The following PRDM5 variants were observed in gnomAD, a reference collection of about 807,000 sequenced individuals.
The protein encoded by PRDM5 is PR/SET domain 5.
Under a neutral mutation model 81.2 loss-of-function variants are expected in PRDM5, and 56 were observed. The ratio of observed to expected loss-of-function variants is 0.69; its 90% CI spans 0.56 to 0.86. The LOEUF is 0.86. Ranked by LOEUF, PRDM5 falls within the 40% of genes least tolerant of loss-of-function variation. The pLI, the probability that PRDM5 is intolerant of heterozygous loss-of-function variation, is 0.00. For synonymous variants in PRDM5, 267 were observed against 256.4 expected (o/e 1.04, Z -0.39); for missense variants, 697 against 770.1 (o/e 0.91, Z 1.12).
At chr4:120,688,808 T>A (rs527730842), downstream of PRDM5, among the ~76,000 whole-genome samples, 1 of 152,174 alleles carries the variant, frequency 6.6e-6, no homozygotes, top group Non-Finnish European at 1.5e-5. Flanking sequence ...ATGCTGTCTA[T>A]TCTGTTCCAT....
chr4:120,891,183 C>CT (rs1284433214), intron 2 of PRDM5, among the ~76,000 whole-genome samples: 3 of 152,076 alleles, frequency 2.0e-5, no homozygotes, highest in Non-Finnish European at 4.4e-5. Flanking sequence ...GGTTTTTAGG[C>CT]TTTTTATTAC....
At chr4:120,852,387 C>T (rs1759368318) in intron 3 of PRDM5, among the ~76,000 whole-genome samples, 1 of 152,078 alleles carries the variant, frequency 6.6e-6, no homozygotes, top group African/African-American at 2.4e-5. Context: ...AAGTATATTG[C>T]CCTCCATAAT....
At chr4:120,794,849 C>T (rs1419437168) in intron 10 of PRDM5, among the ~76,000 whole-genome samples, 3 of 152,102 alleles carry the variant, frequency 2.0e-5, no homozygotes, top group African/African-American at 7.2e-5. Context: ...TGGTCTTGAA[C>T]TCCGGACCTC....
rs1235040289 is a variant in PRDM5, at chr4:120,699,187, TATATATATATA to T, written c.1729-3923_1729-3913del. On this transcript the variant is annotated intron_variant, in intron 15 of 15. Transcript: ENST00000264808. ...ATATATATATATATATATATATATATATATATATATATATATATTTCAGATGTCTCCTTAAT... is the reference window on the plus strand; with the variant it reads ...ATATATATATATATATATATATATATTATATATTTCAGATGTCTCCTTAAT... Among the ~76,000 whole-genome samples, 183 of 114,938 alleles carry T rather than the reference TATATATATATA, an allele frequency of 1.6e-3. 2 individuals are homozygous for T. Among genetic ancestry groups the T allele is most frequent in the Admixed American group, 3.4e-3 (34 of 10,148 alleles). The allele number at this position is 114,938 out of a possible 152,430, so 75.4% of individuals were successfully genotyped here.
At chr4:120,831,211 T>C (rs1199897489) in intron 3 of PRDM5, among the ~76,000 whole-genome samples, 1 of 152,104 alleles carries the variant, frequency 6.6e-6, no homozygotes, top group African/African-American at 2.4e-5. Context: ...CATGTTCTTA[T>C]TGCAAATTTG....
At chr4:120,887,798 T>G (rs1309651644) in intron 2 of PRDM5, among the ~76,000 whole-genome samples, 3 of 94,556 alleles carry the variant, frequency 3.2e-5, no homozygotes, top group African/African-American at 2.0e-4. Context: ...TTTTTTTTTT[T>G]TTTTTTTTTT....
chr4:120,891,460 A>T (rs977736817), intron 2 of PRDM5, among the ~76,000 whole-genome samples: 4 of 151,882 alleles, frequency 2.6e-5, no homozygotes, highest in Non-Finnish European at 4.4e-5. Context: ...CATTGACCTC[A>T]TTTATGCTTT....
chr4:120,837,620 G>A (rs991077365), intron 3 of PRDM5: 1 of 152,126 alleles, frequency 6.6e-6, no homozygotes, highest in Non-Finnish European at 1.5e-5. Flanking sequence ...TCGATAATGA[G>A]CATTTTAAAT....
intron 3 of PRDM5, among the ~76,000 whole-genome samples, chr4:120,834,503 C>G (rs988164038): frequency 2.0e-5 from 3 of 152,076 alleles, no homozygotes; most frequent in African/African-American, 7.2e-5. Context: ...CCTCCAGAAC[C>G]GTGAGGAATA....
At chr4:120,691,724 T>C (rs1381011842), downstream of PRDM5, among the ~76,000 whole-genome samples, 3 of 152,004 alleles carry the variant, frequency 2.0e-5, no homozygotes, top group South Asian at 6.2e-4. Context: ...GAGACCAACT[T>C]GGCTCAACTT....
intron 10 of PRDM5, among the ~76,000 whole-genome samples, chr4:120,789,693 T>A (rs545093275): frequency 6.6e-6 from 1 of 152,308 alleles, no homozygotes; most frequent in African/African-American, 2.4e-5. Flanking sequence ...GTTTACAAGG[T>A]CTGTGGATTA....
intron 4 of PRDM5, among the ~76,000 whole-genome samples, chr4:120,818,831 A>G (rs1754888606): frequency 6.6e-6 from 1 of 152,194 alleles, no homozygotes; most frequent in Non-Finnish European, 1.5e-5. Flanking sequence ...TTAGAAAACA[A>G]AAGCTATTCC....
At chr4:120,884,565 C>T (rs1763199389) in intron 2 of PRDM5, among the ~76,000 whole-genome samples, 1 of 152,118 alleles carries the variant, frequency 6.6e-6, no homozygotes. Flanking sequence ...TAAGCTTTAC[C>T]TTCTCTGCCC....
intron 14 of PRDM5, among the ~76,000 whole-genome samples, chr4:120,716,818 C>T (rs959454940): frequency 1.8e-4 from 28 of 152,132 alleles, no homozygotes; most frequent in African/African-American, 6.5e-4. Context: ...AGGCCACTCA[C>T]CTCTAAAGTT....
intron 1 of PRDM5, among the ~76,000 whole-genome samples, chr4:120,913,081 C>T (rs991167569): frequency 1.7e-4 from 26 of 152,306 alleles, no homozygotes; most frequent in African/African-American, 5.5e-4. Context: ...CCCATTAGTA[C>T]TAGAACACTG....
chr4:120,917,422 TTTC>T (rs999639728), intron 1 of PRDM5, among the ~76,000 whole-genome samples: 2 of 152,074 alleles, frequency 1.3e-5, no homozygotes, highest in African/African-American at 2.4e-5. Flanking sequence ...CCTAGCTCTT[TTTC>T]TTTTTTCTAT....
intron 1 of PRDM5, among the ~76,000 whole-genome samples, chr4:120,920,528 ATACTC>A (rs1400847001): frequency 6.6e-6 from 1 of 152,198 alleles, no homozygotes; most frequent in African/African-American, 2.4e-5. Context: ...GGATGCCTTG[ATACTC>A]AGCTGCAGCC....
chr4:120,892,637 AG>A (rs1466004568), intron 2 of PRDM5, among the ~76,000 whole-genome samples: 1 of 152,250 alleles, frequency 6.6e-6, no homozygotes, highest in African/African-American at 2.4e-5. Context: ...AGGCAGAAGC[AG>A]GACCACTGGG....
intron 14 of PRDM5, among the ~76,000 whole-genome samples, chr4:120,750,911 G>T (rs534747096): frequency 6.6e-6 from 1 of 152,076 alleles, no homozygotes; most frequent in African/African-American, 2.4e-5. Context: ...TAGTGAAAAA[G>T]GTGGGCCACA....
Sources: allele counts gnomAD v4.1 joint callset (sites outside exome capture counted in the v4.1 genomes callset), GRCh38; gene constraint gnomAD v4.1.1; transcripts MANE v1.5; gene names NCBI Gene and HGNC (gene_info 2026-07-23, HGNC 2026-07-21).